Variants in KDM7A observed in about 807,000 individuals in gnomAD.
The protein encoded by KDM7A is lysine-specific demethylase 7A.
In KDM7A, 28 loss-of-function variants were observed where a neutral mutation model predicts 114.8. The ratio of observed to expected loss-of-function variants is 0.24; its 90% confidence interval spans 0.18 to 0.33. The LOEUF (loss-of-function observed/expected upper bound fraction) is 0.33, where lower values mean the gene tolerates loss of function less well. Among genes scored for constraint, KDM7A ranks in the 10% least tolerant of loss-of-function variants. The probability of loss-of-function intolerance (pLI) is 1.00; values close to 1 mark genes in which losing one functional copy is unlikely to be tolerated. For missense variants in KDM7A, 942 were observed against 1,142.5 expected (o/e 0.82, Z 2.53); for synonymous variants, 423 against 397.8 (o/e 1.06, Z -0.75).
chr7:140,120,338 T>C (rs1236635992), intron 8 of KDM7A, 104 bp downstream of exon 8: 2 of 657,866 alleles, frequency 3.0e-6, no homozygotes, highest in South Asian at 2.0e-5. Flanking sequence ...ACTATTTCCA[T>C]GGAATCTCAA....
In KDM7A at chr7:140,089,677, A is replaced by G. The variant is rs1283727269; in HGVS notation, c.*1417T>C. On this transcript the variant is annotated 3_prime_UTR_variant, in exon 20 of 20. Coordinates refer to ENST00000397560, the MANE Select transcript of KDM7A (RefSeq NM_030647.2). ...GAAAAAAGGGAAAATAGAAGCTACTATAAGCAAATGAAAACTGGCATTTAG... is the reference window on the plus strand; with the variant it reads ...GAAAAAAGGGAAAATAGAAGCTACTGTAAGCAAATGAAAACTGGCATTTAG... 6.6e-6 allele frequency: 1 copy of G among 152,210 alleles called. No homozygotes were observed. The highest frequency in any genetic ancestry group is 6.5e-5 in the Admixed American group (1 of 15,286). 9.4% of individuals were successfully genotyped at this position (152,210 alleles called of 1,614,324 possible). A position where few individuals can be genotyped will look rare whatever the true frequency, so the allele number is the denominator to read the frequency against.
chr7:140,176,956 C>G lies in KDM7A; in HGVS notation c.-19G>C. 1 of 1,122,078 alleles carries G rather than the reference C, an allele frequency of 8.9e-7. No homozygotes were observed. The highest frequency in any genetic ancestry group is 1.1e-6 in the Non-Finnish European group (1 of 916,132). The allele number at this position is 1,122,078 out of a possible 1,614,324, so 69.5% of individuals were successfully genotyped here. On this transcript the variant is annotated 5_prime_UTR_variant, in exon 1 of 20. Transcript: ENST00000397560. The surrounding 1 kb of genome is among the most constrained non-coding windows in gnomAD (Gnocchi z 4.4). ...CGGCCATCTTTAAAAAACACACACA[C>G]GCTCGCTCGCTACTCCGCTCGCCGA... is the stretch of plus-strand genomic sequence containing the variant.
intron 18 of KDM7A, among the ~76,000 whole-genome samples, chr7:140,093,053 T>A (rs1289000077): frequency 2.0e-5 from 3 of 152,154 alleles, no homozygotes; most frequent in Non-Finnish European, 4.4e-5. Context: ...ATTTAGAAAA[T>A]ATAGACAAGC....
chr7:140,097,669 A>G lies in KDM7A; in HGVS notation c.1919-27T>C, dbSNP rs6972531. 9.9e-4 allele frequency: 1,310 copies of G among 1,323,316 alleles called. 15 individuals carry two copies. The African/African-American group carries it at 0.016, about 16-fold the overall frequency. The allele number at this position is 1,323,316 out of a possible 1,614,324, so 82.0% of individuals were successfully genotyped here. A position where few individuals can be genotyped will look rare whatever the true frequency, so the allele number is the denominator to read the frequency against. On this transcript the variant is annotated intron_variant, in intron 14 of 19. Transcript: ENST00000397560. ...TGAAAAAGAATGAAAGGATGAGAAA[A>G]AGAGAAAGTCATTTGACTACGATGA...
At chr7:140,117,854 G>A (rs1585148269) in intron 9 of KDM7A, among the ~76,000 whole-genome samples, 1 of 152,170 alleles carries the variant, frequency 6.6e-6, no homozygotes, top group East Asian at 1.9e-4. Context: ...GCAAAGACTG[G>A]TCTTGTAAAG....
rs1245030102 is a variant in KDM7A at position 140,176,448 on chromosome 7, G to A, written c.194+296C>T. On this transcript the variant is annotated intron_variant, in intron 1 of 19. Transcript: ENST00000397560. This position sits in a 1 kb window ranked among gnomAD's most constrained non-coding sequence, Gnocchi z 4.4. ...GCCCCCGCCGCGCCCGCCCGGCCGC[G>A]TCCCCTCGCCCCAGGCTCCCCCTGC... is the stretch of plus-strand genomic sequence containing the variant. Among the ~76,000 whole-genome samples the A allele has an allele frequency of 1.0e-4, 15 of 145,942 alleles. No homozygotes were observed. The highest frequency in any genetic ancestry group is 4.1e-4 in the Admixed American group (6 of 14,752).
chr7:140,092,394 A>G (rs1030354220), intron 18 of KDM7A, among the ~76,000 whole-genome samples: 5 of 152,216 alleles, frequency 3.3e-5, no homozygotes, highest in Admixed American at 3.3e-4. Context: ...GAGCTGGGGG[A>G]ATGGATCGAT....
intron 17 of KDM7A, chr7:140,095,603 C>T: frequency 3.8e-6 from 1 of 266,220 alleles, no homozygotes; most frequent in Non-Finnish European, 7.6e-6. Flanking sequence ...AATAACCAGG[C>T]ATGGTGGCTC....
intron 6 of KDM7A, 41 bp downstream of exon 6, chr7:140,126,596 T>A (rs770146870): frequency 7.6e-7 from 1 of 1,313,942 alleles, no homozygotes; most frequent in Non-Finnish European, 1.0e-6. Context: ...TAGGGCTATA[T>A]GTTTTTGTCA....
rs114844872 is a variant in KDM7A, at chr7:140,125,645, C to T, written c.889-862G>A. 7.5e-3 allele frequency among the ~76,000 whole-genome samples: 1,109 copies of T among 147,128 alleles called. 25 individuals carry two copies. The highest frequency in any genetic ancestry group is 0.025 in the African/African-American group (1,010 of 39,984). ...GCAATGGTGCAATCACAGCACACTG[C>T]GCCCTCAACTTCCTGGGCTCAAGTG... On this transcript the variant is annotated intron_variant, in intron 6 of 19. Coordinates refer to ENST00000397560, the MANE Select transcript of KDM7A (RefSeq NM_030647.2).
chr7:140,170,334 G>C (rs1249150190), intron 1 of KDM7A, among the ~76,000 whole-genome samples: 1 of 152,112 alleles, frequency 6.6e-6, no homozygotes. Context: ...ATGTTTACAG[G>C]CATGTCTCTT....
In KDM7A at chr7:140,097,043, C is replaced by T. The variant is rs781627943; in HGVS notation, c.2021G>A (p.Ser674Asn). The T allele has an allele frequency of 4.3e-6, 7 of 1,609,432 alleles. No individual in the cohort carries two copies. Among genetic ancestry groups the T allele is most frequent in the Middle Eastern group, 1.7e-4 (1 of 6,038 alleles). ...TTCAGACTCTTCAGTGGTAAAGATA[C>T]TTTTCTGAGATGATAATTACATGGA... is the stretch of plus-strand genomic sequence containing the variant. ...DSGPECTALK[S>N]IFTTEESESS... Residue 674 changes from serine (S) to asparagine (N), a missense_variant, in exon 16 of 20, where the codon AGT (serine) becomes AAT (asparagine). Around this residue, in one of 4 missense-constraint regions of KDM7A, gnomAD observed 512 missense variants for 576.6 expected, o/e 0.89. Transcript: ENST00000397560.
chr7:140,122,564 C>T (rs924708497), intron 7 of KDM7A, among the ~76,000 whole-genome samples: 2 of 152,198 alleles, frequency 1.3e-5, no homozygotes, highest in East Asian at 3.8e-4. Context: ...ACACCAGAGG[C>T]AAGGCTTTCA....
intron 11 of KDM7A, among the ~76,000 whole-genome samples, chr7:140,104,601 G>A (rs1226720351): frequency 6.6e-6 from 1 of 152,194 alleles, no homozygotes. Flanking sequence ...TCAGATGGTT[G>A]TAGATGTGTG....
rs1417804005 is a variant in KDM7A, at chr7:140,111,194, G to A, written c.1339-10C>T. ...CATGTTCAGATACAAGCTGTATTTG[G>A]ATTAACAAAAATAAGAAAACCAAAG... is the stretch of plus-strand genomic sequence containing the variant. On this transcript the variant is annotated splice_polypyrimidine_tract_variant and intron_variant, in intron 10 of 19. Coordinates refer to ENST00000397560, the MANE Select transcript of KDM7A (RefSeq NM_030647.2). 2 of 1,558,764 alleles carry A rather than the reference G, an allele frequency of 1.3e-6. No individual in the cohort carries two copies. The highest frequency in any genetic ancestry group is 1.8e-6 in the Non-Finnish European group (2 of 1,142,330).
intron 1 of KDM7A, among the ~76,000 whole-genome samples, chr7:140,169,345 A>G (rs1338399134): frequency 6.6e-6 from 1 of 152,186 alleles, no homozygotes; most frequent in Admixed American, 6.5e-5. Flanking sequence ...AAATCAACCA[A>G]TGCTCACTTT....
intron 1 of KDM7A, among the ~76,000 whole-genome samples, chr7:140,168,229 T>C (rs1305172034): frequency 1.3e-5 from 2 of 152,168 alleles, no homozygotes; most frequent in East Asian, 1.9e-4. Flanking sequence ...CATTTATCTT[T>C]TAACTAAGCA....
In KDM7A at chr7:140,135,687, T is replaced by G. The variant is rs59676872; in HGVS notation, c.281-2031A>C. Reference sequence around the variant, plus strand: ...GTTCATTCTGAATCTTTCTTCAAAGTTGAAATTCATGTTTGTATATATTAA... The same window carrying G: ...GTTCATTCTGAATCTTTCTTCAAAGGTGAAATTCATGTTTGTATATATTAA... On this transcript the variant is annotated intron_variant, in intron 2 of 19. Transcript: ENST00000397560. Among the ~76,000 whole-genome samples, 654 of 152,300 alleles carry G rather than the reference T, an allele frequency of 4.3e-3. 8 individuals are homozygous for G. Among genetic ancestry groups the G allele is most frequent in the African/African-American group, 0.014 (595 of 41,556 alleles).
chr7:140,130,851 C>CTTT (rs574245274), intron 3 of KDM7A, among the ~76,000 whole-genome samples: 1,556 of 97,232 alleles, frequency 0.016, 120 homozygotes, highest in African/African-American at 0.036. Flanking sequence ...TTTAATAAGT[C>CTTT]TTTTTTTTTT....
Sources: allele counts gnomAD v4.1 joint callset (sites outside exome capture counted in the v4.1 genomes callset), GRCh38; gene constraint gnomAD v4.1.1; regional missense constraint gnomAD v4.1.1; non-coding constraint Gnocchi (gnomAD v3.1); transcripts MANE v1.5; gene names NCBI Gene and HGNC (gene_info 2026-07-23, HGNC 2026-07-21).